PAX5: variants seen among roughly 807,000 people sequenced by gnomAD.
The protein encoded by PAX5 is paired box protein Pax-5.
In PAX5, 9 loss-of-function variants were observed where a neutral mutation model predicts 43.7. The observed-to-expected ratio is 0.21, with a 90% CI of 0.12 to 0.36. The LOEUF is 0.36. PAX5 is among the 10% of genes least tolerant of loss of function. The pLI, the probability that PAX5 is intolerant of heterozygous loss-of-function variation, is 1.00. For synonymous variants in PAX5, 228 were observed against 214.3 expected, an observed-to-expected ratio of 1.06 and a Z score of -0.56; for missense variants, 383 against 532.7, an observed-to-expected ratio of 0.72 and a Z score of 2.77.
chr9:36,856,931 C>T (rs1042775799), intron 8 of PAX5, among the ~76,000 whole-genome samples: 2 of 152,218 alleles, frequency 1.3e-5, no homozygotes, highest in Non-Finnish European at 2.9e-5. Flanking sequence ...CCCGAAGAGT[C>T]TCTTTGAACG....
intron 8 of PAX5, among the ~76,000 whole-genome samples, chr9:36,879,480 C>T (rs1826211003): frequency 6.6e-6 from 1 of 152,176 alleles, no homozygotes; most frequent in African/African-American, 2.4e-5. Context: ...TCTGTCATCA[C>T]AGATAAGCTG....
At chr9:36,969,383 G>A (rs1834738403) in intron 5 of PAX5, among the ~76,000 whole-genome samples, 2 of 152,236 alleles carry the variant, frequency 1.3e-5, no homozygotes, top group Admixed American at 6.5e-5. Context: ...TCATGGGCCA[G>A]GCTCTTTCCA....
intron 6 of PAX5, among the ~76,000 whole-genome samples, chr9:36,948,338 G>C (rs1832724311): frequency 6.6e-6 from 1 of 152,166 alleles, no homozygotes; most frequent in Non-Finnish European, 1.5e-5. Flanking sequence ...CTCCGAGAGG[G>C]ACGGGACACA....
intron 7 of PAX5, among the ~76,000 whole-genome samples, chr9:36,920,711 C>T (rs1312744621): frequency 6.6e-6 from 1 of 150,932 alleles, no homozygotes; most frequent in African/African-American, 2.4e-5. Context: ...TGAAATGCCT[C>T]AATGAGCATT....
chr9:37,024,576 C>T (rs1190259693), intron 1 of PAX5, among the ~76,000 whole-genome samples: 2 of 152,172 alleles, frequency 1.3e-5, no homozygotes, highest in African/African-American at 4.8e-5. Flanking sequence ...GGCCTCAGAA[C>T]CGAGAGTGCT....
intron 7 of PAX5, among the ~76,000 whole-genome samples, chr9:36,921,749 T>C (rs1315317071): frequency 6.6e-6 from 1 of 152,110 alleles, no homozygotes; most frequent in Non-Finnish European, 1.5e-5. Context: ...TGTAGTTCCT[T>C]GAAAAAGAGG....
At chr9:37,024,899 G>A (rs996349221) in intron 1 of PAX5, among the ~76,000 whole-genome samples, 19 of 152,232 alleles carry the variant, frequency 1.2e-4, no homozygotes, top group African/African-American at 4.6e-4. Flanking sequence ...TTCCACCAGT[G>A]AGGAGAGAAG....
intron 8 of PAX5, among the ~76,000 whole-genome samples, chr9:36,850,595 C>A (rs1373219141): frequency 6.6e-6 from 1 of 152,218 alleles, no homozygotes; most frequent in Non-Finnish European, 1.5e-5. Context: ...CTGACCCACA[C>A]TTTTGGCATC....
chr9:36,839,218 C>T lies in PAX5; in HGVS notation c.*1342G>A, dbSNP rs1028814592. On this transcript the variant is annotated 3_prime_UTR_variant, in exon 10 of 10. Transcript: ENST00000358127. Reference sequence around the variant, plus strand: ...GCCTTCCTCTGTCCCCCAGATCTTCCCTGCTGGCTTCCTCTGACCACCCTA... The same window carrying T: ...GCCTTCCTCTGTCCCCCAGATCTTCTCTGCTGGCTTCCTCTGACCACCCTA... 1 of 233,588 alleles carries T rather than the reference C, an allele frequency of 4.3e-6. No individual in the cohort carries two copies. The highest frequency in any genetic ancestry group is 8.5e-6 in the Non-Finnish European group (1 of 118,296). 14.5% of individuals were successfully genotyped at this position (233,588 alleles called of 1,614,324 possible).
Position 36,840,483 on chromosome 9 carries a change from G to C in PAX5, c.*77C>G, listed in dbSNP as rs758665681. On this transcript the variant is annotated 3_prime_UTR_variant, in exon 10 of 10. Coordinates refer to ENST00000358127, the MANE Select transcript of PAX5 (RefSeq NM_016734.3). ...GGGGGACGGTCTCATGGGCTCTCTGGCTATCTTCAGGAGGGCTGGGTGGCT... is the reference window on the plus strand; with the variant it reads ...GGGGGACGGTCTCATGGGCTCTCTGCCTATCTTCAGGAGGGCTGGGTGGCT... 1 of 1,394,398 alleles carries C rather than the reference G, an allele frequency of 7.2e-7. No individual in the cohort carries two copies. Among genetic ancestry groups the C allele is most frequent in the South Asian group, 1.2e-5 (1 of 81,210 alleles). The allele number at this position is 1,394,398 out of a possible 1,614,324, so 86.4% of individuals were successfully genotyped here. A position where few individuals can be genotyped will look rare whatever the true frequency, so the allele number is the denominator to read the frequency against.
intron 2 of PAX5, among the ~76,000 whole-genome samples, chr9:37,017,209 C>T (rs567118003): frequency 1.3e-5 from 2 of 152,340 alleles, no homozygotes; most frequent in Admixed American, 6.5e-5. Context: ...AGCCACAGCA[C>T]CCTAAAGTTT....
rs368892289 is a variant in PAX5, at chr9:37,032,966, C to T, written c.46+1020G>A. ...CCCACTGTGCTCTCCTCCACTGGTG[C>T]GGCACCCACAGGATAAAACCTGAGG... On this transcript the variant is annotated intron_variant, in intron 1 of 9. Coordinates refer to ENST00000358127, the MANE Select transcript of PAX5 (RefSeq NM_016734.3). Among the ~76,000 whole-genome samples, 20 of 152,370 alleles carry T rather than the reference C, an allele frequency of 1.3e-4. 1 individual carries two copies. In the East Asian group the frequency reaches 3.5e-3, roughly 26 times the overall value.
rs896000241 is a variant in PAX5 at position 36,923,381 on chromosome 9, C to A, written c.884G>T (p.Gly295Val). 2 of 1,613,184 alleles carry A rather than the reference C, an allele frequency of 1.2e-6. No homozygotes were observed. Among genetic ancestry groups the A allele is most frequent in the Non-Finnish European group, 1.7e-6 (2 of 1,179,978 alleles). Residue 295 changes from glycine to valine, a missense_variant, in exon 7 of 10, where the codon GGC (glycine) becomes GTC (valine). Physicochemically the swap from Gly to Val is moderately radical, Grantham distance 109 (BLOSUM62 -3). Coordinates refer to ENST00000358127, the MANE Select transcript of PAX5 (RefSeq NM_016734.3). The part of the protein sequence containing the change: ...TPADIGSSVP[G>V]PQSYPIVTGR... Reference sequence around the variant, plus strand: ...TGTCACAATGGGGTAGGACTGCGGGCCTGGCACACTGCTCCCGATGTCAGC... The same window carrying A: ...TGTCACAATGGGGTAGGACTGCGGGACTGGCACACTGCTCCCGATGTCAGC...
chr9:36,887,384 T>C (rs1421641202), intron 7 of PAX5, among the ~76,000 whole-genome samples: 2 of 152,120 alleles, frequency 1.3e-5, no homozygotes, highest in Non-Finnish European at 2.9e-5. Flanking sequence ...GGATCTCGAA[T>C]CACTGGGGCA....
intron 6 of PAX5, among the ~76,000 whole-genome samples, chr9:36,941,524 A>T (rs1832044926): frequency 6.6e-6 from 1 of 152,174 alleles, no homozygotes; most frequent in East Asian, 1.9e-4. Flanking sequence ...CTGGAGGTCA[A>T]GCACAACCAT....
At chr9:37,023,040 G>T (rs1164761186) in intron 1 of PAX5, among the ~76,000 whole-genome samples, 1 of 152,172 alleles carries the variant, frequency 6.6e-6, no homozygotes, top group Admixed American at 6.5e-5. Flanking sequence ...TCCAAAGTCT[G>T]AATGAGGCGA....
At chr9:36,893,385 C>G (rs577683104) in intron 7 of PAX5, 1 of 152,402 alleles carries the variant, frequency 6.6e-6, no homozygotes, top group African/African-American at 2.4e-5. Flanking sequence ...TCTGTGGTGG[C>G]CTGCCCTACC....
intron 5 of PAX5, among the ~76,000 whole-genome samples, chr9:36,977,215 T>C (rs13292007): frequency 0.16 from 23,573 of 150,160 alleles, 2,285 homozygotes; most frequent in Middle Eastern, 0.29. Context: ...AACCCTAAGA[T>C]GTCAAGTCTG....
intron 2 of PAX5, among the ~76,000 whole-genome samples, chr9:37,019,977 C>T (rs912336901): frequency 2.6e-5 from 4 of 152,060 alleles, no homozygotes; most frequent in Non-Finnish European, 5.9e-5. Flanking sequence ...AGAAAATAAA[C>T]GGGAGTGCTA....
Sources: allele counts gnomAD v4.1 joint callset (sites outside exome capture counted in the v4.1 genomes callset), GRCh38; gene constraint gnomAD v4.1.1; transcripts MANE v1.5; gene names NCBI Gene and HGNC (gene_info 2026-07-23, HGNC 2026-07-21).